The following MAD1L1 variants were observed in gnomAD, a reference collection of about 807,000 sequenced individuals.
MAD1L1 encodes mitotic spindle assembly checkpoint protein MAD1.
A neutral mutation model predicts 96.9 loss-of-function variants in MAD1L1; 95 were observed. That is an observed-to-expected ratio of 0.98 (90% CI 0.83 to 1.16). MAD1L1 has a LOEUF of 1.16. Among genes scored for constraint, MAD1L1 ranks in the 50% most tolerant of loss-of-function variants. The pLI, the probability that MAD1L1 is intolerant of heterozygous loss-of-function variation, is 0.00. For synonymous variants in MAD1L1, 473 were observed against 396.6 expected (o/e 1.19, Z -2.29); for missense variants, 1,007 against 954.4 (o/e 1.06, Z -0.73).
chr7:2,140,556 C>G (rs892584365), intron 11 of MAD1L1, among the ~76,000 whole-genome samples: 2 of 152,246 alleles, frequency 1.3e-5, no homozygotes, highest in African/African-American at 2.4e-5. Context: ...AGATGAAGAG[C>G]CTCGTCTGCC....
intron 17 of MAD1L1, among the ~76,000 whole-genome samples, chr7:1,909,953 A>T (rs1787912057): frequency 6.6e-6 from 1 of 152,162 alleles, no homozygotes. Context: ...TGGCTGGGTG[A>T]GCTCTGTGCA....
At chr7:1,860,863 A>T (rs1013450577) in intron 18 of MAD1L1, among the ~76,000 whole-genome samples, 11 of 152,098 alleles carry the variant, frequency 7.2e-5, no homozygotes, top group Admixed American at 7.2e-4. Flanking sequence ...GCCCTGGGTC[A>T]CCCCTGTGCC....
chr7:1,964,399 GC>G (rs1221865722), intron 15 of MAD1L1, among the ~76,000 whole-genome samples: 14 of 152,218 alleles, frequency 9.2e-5, no homozygotes, highest in African/African-American at 3.4e-4. Context: ...ACCCACCCTC[GC>G]CGCCAGACAG....
At chr7:2,056,183 G>A (rs1360698553) in intron 12 of MAD1L1, among the ~76,000 whole-genome samples, 1 of 152,172 alleles carries the variant, frequency 6.6e-6, no homozygotes, top group African/African-American at 2.4e-5. Context: ...AGAGGATGAT[G>A]CTTTCCAGAT....
chr7:2,217,078 T>C (rs1006642268), intron 7 of MAD1L1, among the ~76,000 whole-genome samples: 1 of 152,174 alleles, frequency 6.6e-6, no homozygotes, highest in Non-Finnish European at 1.5e-5. Context: ...TGGTCCAGGA[T>C]GGCACTCCAT....
intron 12 of MAD1L1, among the ~76,000 whole-genome samples, chr7:2,038,137 T>G (rs921302452): frequency 6.6e-6 from 1 of 152,164 alleles, no homozygotes; most frequent in South Asian, 2.1e-4. Flanking sequence ...AGCCCCAACA[T>G]TCCCTTAAGT....
At chr7:2,186,333 T>C (rs1271525909) in intron 10 of MAD1L1, among the ~76,000 whole-genome samples, 1 of 152,202 alleles carries the variant, frequency 6.6e-6, no homozygotes, top group African/African-American at 2.4e-5. Flanking sequence ...AGGAAATAGT[T>C]AAAATATGTG....
At chr7:1,917,343 G>A (rs1788473287) in intron 17 of MAD1L1, among the ~76,000 whole-genome samples, 1 of 152,172 alleles carries the variant, frequency 6.6e-6, no homozygotes, top group Non-Finnish European at 1.5e-5. Flanking sequence ...ATGACAGCCT[G>A]GGGCATGAGG....
At chr7:2,194,834 G>A (rs1305632530) in intron 10 of MAD1L1, among the ~76,000 whole-genome samples, 5 of 152,118 alleles carry the variant, frequency 3.3e-5, no homozygotes, top group Non-Finnish European at 5.9e-5. Flanking sequence ...AGCACTTTGG[G>A]AGGCCGAGGA....
chr7:1,907,252 G>C (rs1326445340), intron 17 of MAD1L1, among the ~76,000 whole-genome samples: 5 of 152,176 alleles, frequency 3.3e-5, no homozygotes, highest in African/African-American at 1.2e-4. Context: ...CGGTGCCCCA[G>C]TGAGGAGCTG....
At chr7:2,029,494 T>C (rs1334267382) in intron 12 of MAD1L1, among the ~76,000 whole-genome samples, 8 of 152,322 alleles carry the variant, frequency 5.3e-5, no homozygotes, top group South Asian at 2.1e-4. Context: ...GATTTCATCA[T>C]AGCCCTCTAA....
rs140294593 is a variant in MAD1L1 at position 2,024,686 on chromosome 7, T to C, written c.1219-10044A>G. Among the ~76,000 whole-genome samples the C allele has an allele frequency of 5.0e-3, 762 of 152,288 alleles. 1 individual carries two copies. The highest frequency in any genetic ancestry group is 7.0e-3 in the Non-Finnish European group (475 of 68,024). On this transcript the variant is annotated intron_variant, in intron 12 of 18. Transcript: ENST00000265854. ...CTCTTTGGAATCCCAGCCAGCCCCA[T>C]CTCAGGCGGGTTTGTGGCTATCCCT...
At chr7:1,943,547 C>T (rs998406861) in intron 16 of MAD1L1, among the ~76,000 whole-genome samples, 3 of 152,202 alleles carry the variant, frequency 2.0e-5, no homozygotes, top group Non-Finnish European at 4.4e-5. Flanking sequence ...CATCCAGAGA[C>T]AGAAAGTGAA....
chr7:1,861,092 C>T (rs373316184), intron 18 of MAD1L1, among the ~76,000 whole-genome samples: 3 of 152,352 alleles, frequency 2.0e-5, no homozygotes, highest in East Asian at 1.9e-4. Flanking sequence ...AGCCCAGAGG[C>T]GGCCGCTCAC....
intron 12 of MAD1L1, among the ~76,000 whole-genome samples, chr7:2,016,942 G>A (rs905160704): frequency 2.0e-5 from 3 of 152,266 alleles, no homozygotes; most frequent in Admixed American, 1.3e-4. Context: ...ACGCGCGGAC[G>A]CCGCGCAAGG....
At chr7:1,856,490 G>A (rs533513781) in intron 18 of MAD1L1, among the ~76,000 whole-genome samples, 1 of 152,364 alleles carries the variant, frequency 6.6e-6, no homozygotes. Context: ...AGCCCCCGCT[G>A]GCCAGCTGTC....
intron 10 of MAD1L1, among the ~76,000 whole-genome samples, chr7:2,207,583 G>C (rs899167129): frequency 6.6e-6 from 1 of 152,220 alleles, no homozygotes; most frequent in South Asian, 2.1e-4. Flanking sequence ...TGTGCCCAGA[G>C]AGGGCATGGA....
intron 15 of MAD1L1, among the ~76,000 whole-genome samples, chr7:1,979,364 C>G (rs1780789911): frequency 6.6e-6 from 1 of 152,208 alleles, no homozygotes; most frequent in South Asian, 2.1e-4. Context: ...ACACTCAGAG[C>G]AGAGGAGTGG....
In MAD1L1 at chr7:1,999,574, T is replaced by G. The variant is rs368353665; in HGVS notation, c.1416+2491A>C. 1.2e-4 allele frequency among the ~76,000 whole-genome samples: 18 copies of G among 152,282 alleles called. No homozygotes were observed. In the East Asian group the frequency reaches 3.3e-3, roughly 28 times the overall value. ...GACTGCGGGGACCCTCACAGGCCAG[T>G]GCGCCTCATGCCCACTTCAGGAGGA... is the stretch of plus-strand genomic sequence containing the variant. On this transcript the variant is annotated intron_variant, in intron 14 of 18. Coordinates refer to ENST00000265854, the MANE Select transcript of MAD1L1 (RefSeq NM_001013836.2).
Sources: gnomAD v4.1 joint callset for allele counts (sites outside exome capture counted in the v4.1 genomes callset) on GRCh38, gnomAD v4.1.1 for gene constraint, MANE v1.5 for transcripts, NCBI Gene and HGNC (gene_info 2026-07-23, HGNC 2026-07-21) for gene names.